STAP2: variants seen among roughly 807,000 people sequenced by gnomAD.
STAP2 encodes signal transducing adaptor family member 2.
A neutral mutation model predicts 52.7 loss-of-function variants in STAP2; 58 were observed. The observed-to-expected ratio is 1.10, with a 90% confidence interval of 0.89 to 1.37. The LOEUF is 1.37. Among genes scored for constraint, STAP2 ranks in the 40% most tolerant of loss-of-function variants. The pLI is 0.00. For missense variants in STAP2, 522 were observed against 519.4 expected, an observed-to-expected ratio of 1.00 and a Z score of -0.05; for synonymous variants, 231 against 210.5, an observed-to-expected ratio of 1.10 and a Z score of -0.84.
At chr19:4,333,575 CCAGGGCCCA>C (rs1971926987) in intron 3 of STAP2, 110 bp downstream of exon 3, 1 of 1,346,040 alleles carries the variant, frequency 7.4e-7, no homozygotes, top group Admixed American at 2.8e-5. Context: ...CAAGTCTTAC[CCAGGGCCCA>C]CAGGGCCCTG....
Position 4,325,211 on chromosome 19 carries a change from C to G in STAP2, c.1072+5G>C. 6.3e-7 allele frequency: 1 copy of G among 1,577,688 alleles called. No homozygotes were observed. On this transcript the variant is annotated splice_donor_5th_base_variant and intron_variant, in intron 11 of 12. Transcript: ENST00000594605. ...GTGAGGGTGGGATATGGGGGGGACC[C>G]CAACCTGGCTTGGGTCCAACGGGTG... is the stretch of plus-strand genomic sequence containing the variant.
chr19:4,329,347 C>T (rs1971850298), intron 5 of STAP2, among the ~76,000 whole-genome samples: 1 of 151,918 alleles, frequency 6.6e-6, no homozygotes, highest in African/African-American at 2.4e-5. Flanking sequence ...AAAAGCAATC[C>T]TCCCGCCTCG....
At chr19:4,333,191 TA>T (rs1285461636) in intron 3 of STAP2, among the ~76,000 whole-genome samples, 15 of 142,606 alleles carry the variant, frequency 1.1e-4, no homozygotes, top group Admixed American at 9.3e-4. Flanking sequence ...ACTCAAAAAA[TA>T]AAAATAAAAA....
intron 5 of STAP2, among the ~76,000 whole-genome samples, chr19:4,329,424 C>G (rs894232013): frequency 6.6e-6 from 1 of 151,982 alleles, no homozygotes. Flanking sequence ...ATTCTGGCCC[C>G]GGAGATGCAG....
At position 4,338,810 on chromosome 19, in the gene STAP2, C is replaced by G; in HGVS notation, c.-57G>C. 6.4e-7 allele frequency: 1 copy of G among 1,569,134 alleles called. No individual in the cohort carries two copies. Among genetic ancestry groups the G allele is most frequent in the Non-Finnish European group, 8.7e-7 (1 of 1,153,226 alleles). On this transcript the variant is annotated 5_prime_UTR_variant, in exon 1 of 13. Transcript: ENST00000594605. ...CTTCCAGTGGGTGCCCCAGCTGGGC[C>G]GGGAAGCTGAGAAACAGGTTTCAGG...
chr19:4,335,132 C>T (rs1053100790), intron 1 of STAP2, among the ~76,000 whole-genome samples: 9 of 150,342 alleles, frequency 6.0e-5, no homozygotes, highest in African/African-American at 2.0e-4. Flanking sequence ...TCCATCCACT[C>T]ATCTATCAAT....
chr19:4,331,564 A>G (rs564441969), intron 4 of STAP2, among the ~76,000 whole-genome samples: 1 of 151,736 alleles, frequency 6.6e-6, no homozygotes, highest in East Asian at 1.9e-4. Flanking sequence ...GGGGAGGCAG[A>G]GGTTGCAGTG....
In STAP2 at chr19:4,324,358, C is replaced by T. The variant is rs963296694; in HGVS notation, c.1147+97G>A. On this transcript the variant is annotated intron_variant, in intron 12 of 12. Coordinates refer to ENST00000594605, the MANE Select transcript of STAP2 (RefSeq NM_001013841.2). ...AATTTCAAGACAGAGACAGCAGAAC[C>T]TTAAAAGACAGGGCGCTTCGGAGTG... is the stretch of plus-strand genomic sequence containing the variant. 9 of 1,346,508 alleles carry T rather than the reference C, an allele frequency of 6.7e-6. No individual in the cohort carries two copies. In the South Asian group the frequency reaches 6.8e-5, roughly 10 times the overall value. The allele number at this position is 1,346,508 out of a possible 1,614,324, so 83.4% of individuals were successfully genotyped here.
At chr19:4,333,523 A>ATAAAT (rs909588539) in intron 3 of STAP2, among the ~76,000 whole-genome samples, 171 bp downstream of exon 3, 3 of 152,110 alleles carry the variant, frequency 2.0e-5, no homozygotes, top group Non-Finnish European at 4.4e-5. Context: ...ATAAAATAAA[A>ATAAAT]TAAACCCTCC....
At chr19:4,329,884 A>G in intron 5 of STAP2, 77 bp downstream of exon 5, 8 of 1,048,028 alleles carry the variant, frequency 7.6e-6, no homozygotes, top group Non-Finnish European at 1.1e-5. Flanking sequence ...AGGGGACCCA[A>G]CTCACCGCCC....
chr19:4,334,919 C>G (rs374804190), intron 1 of STAP2, among the ~76,000 whole-genome samples: 7 of 39,636 alleles, frequency 1.8e-4, no homozygotes, highest in African/African-American at 3.1e-4. Context: ...CCATCCATCC[C>G]TCCATAATCC....
At chr19:4,333,587 G>A in intron 3 of STAP2, 107 bp downstream of exon 3, 1 of 1,437,312 alleles carries the variant, frequency 7.0e-7, no homozygotes, top group Non-Finnish European at 9.1e-7. Flanking sequence ...AGGGCCCACA[G>A]GGCCCTGTAC....
chr19:4,327,180 T>A lies in STAP2; in HGVS notation c.707A>T (p.His236Leu). ...GAATGGCACCAGCGCCTTTTTGGTA[T>A]GCGACACGAAATAGTTGACCACGGC... ...LDAVVNYFVS[H>L]TKKALVPFLL... Residue 236 changes from histidine (H) to leucine (L), a missense_variant, in exon 8 of 13, where the codon CAT becomes CTT. By Grantham distance (99) the His-to-Leu change is moderately conservative. Coordinates refer to ENST00000594605, the MANE Select transcript of STAP2 (RefSeq NM_001013841.2). 6.2e-7 allele frequency: 1 copy of A among 1,614,122 alleles called. No homozygotes were observed. Among genetic ancestry groups the A allele is most frequent in the African/African-American group, 1.3e-5 (1 of 75,030 alleles).
intron 1 of STAP2, among the ~76,000 whole-genome samples, chr19:4,338,023 A>AAAAG (rs1232938841): frequency 6.6e-6 from 1 of 152,130 alleles, no homozygotes; most frequent in African/African-American, 2.4e-5. Context: ...GTCTCTAACA[A>AAAAG]AAAGAAAGAA....
Position 4,324,057 on chromosome 19 carries a change from T to G in STAP2, c.*76A>C, listed in dbSNP as rs1971741427. 3 of 1,484,250 alleles carry G rather than the reference T, an allele frequency of 2.0e-6. No individual in the cohort carries two copies. In the Admixed American group the frequency reaches 5.9e-5, roughly 29 times the overall value. The allele number at this position is 1,484,250 out of a possible 1,614,324, so 91.9% of individuals were successfully genotyped here. On this transcript the variant is annotated 3_prime_UTR_variant, in exon 13 of 13. Transcript: ENST00000594605. The stretch of plus-strand genomic sequence containing the variant: ...AGACACATGGGTCCTGGGGTCAGAG[T>G]TTTAATCCTGGGAAAAAGAATCTGG...
intron 3 of STAP2, 110 bp from the exon 4 acceptor site, chr19:4,332,188 T>A: frequency 1.2e-5 from 7 of 580,854 alleles, no homozygotes; most frequent in African/African-American, 2.3e-5. Context: ...TTCTTTTTTC[T>A]TTTTCTTCTT....
At chr19:4,334,077 G>C (rs1306313319) in intron 1 of STAP2, 33 bp from the exon 2 acceptor site, 3 of 1,583,444 alleles carry the variant, frequency 1.9e-6, no homozygotes. Flanking sequence ...GAAGAGGTGA[G>C]CTGGCCAAGC....
chr19:4,327,116 G>T lies in STAP2; in HGVS notation c.763+8C>A, dbSNP rs2144781032. The T allele has an allele frequency of 6.2e-7, 1 of 1,614,112 alleles. No individual in the cohort carries two copies. Among genetic ancestry groups the T allele is most frequent in the East Asian group, 2.2e-5 (1 of 44,882 alleles). ...CTGGGCCCCCGAACTCCCCGAAGGG[G>T]CACCCACCTAGCACCTTCTCGTAGT... is the stretch of plus-strand genomic sequence containing the variant. On this transcript the variant is annotated splice_region_variant and intron_variant, in intron 8 of 12. Coordinates refer to ENST00000594605, the MANE Select transcript of STAP2 (RefSeq NM_001013841.2).
intron 11 of STAP2, chr19:4,324,937 A>T: frequency 2.2e-6 from 1 of 452,070 alleles, no homozygotes; most frequent in Non-Finnish European, 4.1e-6. Flanking sequence ...GATCAAGACC[A>T]TCCTGGCTAA....
Sources: allele counts gnomAD v4.1 joint callset (sites outside exome capture counted in the v4.1 genomes callset), GRCh38; gene constraint gnomAD v4.1.1; transcripts MANE v1.5; gene names NCBI Gene and HGNC (gene_info 2026-07-23, HGNC 2026-07-21).